MYMX: variants seen among roughly 807,000 people sequenced by gnomAD.
MYMX encodes the protein protein myomixer.
chr6:44,204,171 G>C, the MYMX span, among the ~76,000 whole-genome samples: 1 of 152,110 alleles, frequency 6.6e-6, no homozygotes, highest in Non-Finnish European at 1.5e-5. Context: ...TAGTAAGGGA[G>C]GCAGATAACC....
chr6:44,200,642 T>C, the MYMX span, among the ~76,000 whole-genome samples: 6 of 152,164 alleles, frequency 3.9e-5, no homozygotes, highest in Non-Finnish European at 7.4e-5. Flanking sequence ...TTTTTTTCCC[T>C]GTGGCATTGT....
the MYMX span, among the ~76,000 whole-genome samples, chr6:44,211,558 A>G: frequency 6.6e-6 from 1 of 152,178 alleles, no homozygotes; most frequent in East Asian, 1.9e-4. Context: ...CAAGGTGACT[A>G]TAGTTAATAC....
At chr6:44,215,614 G>A (rs1180471009), upstream of MYMX, among the ~76,000 whole-genome samples, 1 of 150,908 alleles carries the variant, frequency 6.6e-6, no homozygotes, top group Non-Finnish European at 1.5e-5. Context: ...TAAAAAACAG[G>A]CTGGGCGTTG....
At chr6:44,194,793 G>A in the MYMX span, among the ~76,000 whole-genome samples, 1 of 152,144 alleles carries the variant, frequency 6.6e-6, no homozygotes, top group African/African-American at 2.4e-5. Flanking sequence ...GGGAAGGAAA[G>A]GGAGGGAAAA....
At chr6:44,195,683 G>A in the MYMX span, among the ~76,000 whole-genome samples, 1 of 152,046 alleles carries the variant, frequency 6.6e-6, no homozygotes, top group African/African-American at 2.4e-5. Flanking sequence ...ATATATTATT[G>A]TTCATGTATC....
upstream of MYMX, among the ~76,000 whole-genome samples, chr6:44,213,546 C>T (rs981922106): frequency 2.0e-5 from 3 of 149,946 alleles, no homozygotes; most frequent in Admixed American, 1.3e-4. Context: ...CTCAGCTTCC[C>T]GAGTAGCTGG....
chr6:44,194,947 A>G, the MYMX span, among the ~76,000 whole-genome samples: 3 of 152,184 alleles, frequency 2.0e-5, no homozygotes, highest in South Asian at 4.1e-4. Context: ...ATACTGCCGT[A>G]TATTCGCCAC....
At chr6:44,202,488 T>C in the MYMX span, among the ~76,000 whole-genome samples, 4 of 151,666 alleles carry the variant, frequency 2.6e-5, no homozygotes, top group Non-Finnish European at 5.9e-5. Flanking sequence ...TTCCTCAAAG[T>C]TGCCTGCAGA....
At chr6:44,208,208 C>A in the MYMX span, among the ~76,000 whole-genome samples, 1 of 148,084 alleles carries the variant, frequency 6.8e-6, no homozygotes, top group Non-Finnish European at 1.5e-5. Flanking sequence ...GATCACACCA[C>A]TGCATGCCAG....
chr6:44,211,081 C>A, the MYMX span, among the ~76,000 whole-genome samples: 4 of 152,020 alleles, frequency 2.6e-5, no homozygotes, highest in African/African-American at 9.7e-5. Flanking sequence ...CTCCACTGGG[C>A]AATACAGCAA....
the MYMX span, among the ~76,000 whole-genome samples, chr6:44,197,340 C>T: frequency 6.6e-6 from 1 of 152,188 alleles, no homozygotes; most frequent in Admixed American, 6.5e-5. Flanking sequence ...CGAGACCAGC[C>T]TGACCAACAT....
chr6:44,206,423 G>C, the MYMX span, among the ~76,000 whole-genome samples: 1 of 152,128 alleles, frequency 6.6e-6, no homozygotes, highest in Non-Finnish European at 1.5e-5. Context: ...GTAGAGACGG[G>C]GTTTTGCTGT....
At chr6:44,201,416 G>A in the MYMX span, among the ~76,000 whole-genome samples, 1 of 151,956 alleles carries the variant, frequency 6.6e-6, no homozygotes, top group African/African-American at 2.4e-5. Context: ...CCTTGATGAG[G>A]CCTCCCTGGC....
chr6:44,216,922 C>G (rs1268299901), upstream of MYMX: 1 of 152,668 alleles, frequency 6.6e-6, no homozygotes, highest in African/African-American at 2.4e-5. Flanking sequence ...TATCTCCACT[C>G]CAGGCAAATC....
chr6:44,216,756 C>CA (rs1013939502), upstream of MYMX, among the ~76,000 whole-genome samples: 1 of 152,202 alleles, frequency 6.6e-6, no homozygotes, highest in African/African-American at 2.4e-5. Context: ...TCTCCTCCCC[C>CA]TAGACTGGGA....
chr6:44,207,296 G>A, the MYMX span, among the ~76,000 whole-genome samples: 1 of 151,648 alleles, frequency 6.6e-6, no homozygotes, highest in Non-Finnish European at 1.5e-5. Flanking sequence ...CCACCACCAC[G>A]CCTGGCTAAT....
the MYMX span, among the ~76,000 whole-genome samples, chr6:44,200,786 T>C: frequency 5.2e-4 from 79 of 152,288 alleles, no homozygotes; most frequent in African/African-American, 1.8e-3. Context: ...AACAACTGAC[T>C]GTTCCCTCTG....
the MYMX span, among the ~76,000 whole-genome samples, chr6:44,206,357 G>A: frequency 1.3e-5 from 2 of 151,898 alleles, no homozygotes; most frequent in Non-Finnish European, 2.9e-5. Flanking sequence ...TCAGCCTCGG[G>A]TAGCTGGGAT....
chr6:44,215,167 C>T (rs927721461), upstream of MYMX, among the ~76,000 whole-genome samples: 1 of 151,990 alleles, frequency 6.6e-6, no homozygotes, highest in East Asian at 1.9e-4. Flanking sequence ...ATGACAAATG[C>T]TCATATTCCC....
Sources: allele counts gnomAD v4.1 joint callset (sites outside exome capture counted in the v4.1 genomes callset), GRCh38; gene constraint gnomAD v4.1.1; transcripts MANE v1.5; gene names NCBI Gene and HGNC (gene_info 2026-07-23, HGNC 2026-07-21).